BTBD9: variants seen among roughly 807,000 people sequenced by gnomAD.
BTBD9 encodes BTB/POZ domain-containing protein 9.
A neutral mutation model predicts 64.3 loss-of-function variants in BTBD9; 49 were observed. The ratio of observed to expected loss-of-function variants is 0.76; its 90% CI spans 0.61 to 0.97. The LOEUF (loss-of-function observed/expected upper bound fraction) is 0.97, where lower values mean the gene tolerates loss of function less well. Ranked by LOEUF, BTBD9 falls within the 50% of genes least tolerant of loss-of-function variation. The pLI is 0.00. For synonymous variants in BTBD9, 260 were observed against 274.7 expected (o/e 0.95, Z 0.53); for missense variants, 598 against 762.1 (o/e 0.78, Z 2.53).
At chr6:38,256,556 T>A in intron 8 of BTBD9, 40 bp from the exon 9 acceptor site, 1 of 1,445,012 alleles carries the variant, frequency 6.9e-7, no homozygotes, top group Non-Finnish European at 9.7e-7. Flanking sequence ...GTAAATGTTT[T>A]AACTGGTTGT....
At chr6:38,540,928 G>C (rs1161930147) in intron 6 of BTBD9, among the ~76,000 whole-genome samples, 1 of 152,224 alleles carries the variant, frequency 6.6e-6, no homozygotes. Flanking sequence ...TTACATGCTA[G>C]AGTGGCAATA....
chr6:38,620,136 G>C (rs1438888057), intron 1 of BTBD9, among the ~76,000 whole-genome samples: 5 of 152,124 alleles, frequency 3.3e-5, no homozygotes, highest in African/African-American at 7.2e-5. Context: ...AAAGTTCAAG[G>C]GTTAGTAAGA....
chr6:38,577,041 G>A (rs865893930), intron 6 of BTBD9, among the ~76,000 whole-genome samples: 10 of 152,228 alleles, frequency 6.6e-5, no homozygotes, highest in Middle Eastern at 3.4e-3. Context: ...TGAGCCTAGA[G>A]CCCCACTAGC....
intron 6 of BTBD9, among the ~76,000 whole-genome samples, chr6:38,438,863 C>G (rs1768882601): frequency 6.6e-6 from 1 of 152,104 alleles, no homozygotes; most frequent in Non-Finnish European, 1.5e-5. Context: ...TAAGGCCTTA[C>G]TGAGAAAACG....
intron 6 of BTBD9, among the ~76,000 whole-genome samples, chr6:38,566,758 G>C (rs919038213): frequency 6.6e-6 from 1 of 152,172 alleles, no homozygotes; most frequent in Non-Finnish European, 1.5e-5. Context: ...TACACTTCAA[G>C]TGTGATTTTA....
chr6:38,527,263 CAAAAAAAAAAAAAAAA>C (rs55979438), intron 6 of BTBD9, among the ~76,000 whole-genome samples: 23 of 53,340 alleles, frequency 4.3e-4, no homozygotes, highest in Admixed American at 2.6e-3. Context: ...GACTCTGTCT[CAAAAAAAAAAAAAAAA>C]AAAAAAAAAA....
intron 8 of BTBD9, among the ~76,000 whole-genome samples, chr6:38,287,143 C>T (rs1481800109): frequency 4.2e-5 from 5 of 118,080 alleles, no homozygotes; most frequent in African/African-American, 1.3e-4. Context: ...CACACACACA[C>T]ATATAGCAGC....
At chr6:38,361,767 G>C (rs1764971859) in intron 6 of BTBD9, among the ~76,000 whole-genome samples, 1 of 151,814 alleles carries the variant, frequency 6.6e-6, no homozygotes, top group South Asian at 2.1e-4. Context: ...TTGAACCCAG[G>C]AGGCAGAATT....
intron 9 of BTBD9, among the ~76,000 whole-genome samples, chr6:38,200,716 A>G (rs1386176054): frequency 6.6e-6 from 1 of 152,252 alleles, no homozygotes; most frequent in Non-Finnish European, 1.5e-5. Context: ...TGAATCAGGA[A>G]GAAATAGAAA....
At position 38,270,267 on chromosome 6, in the gene BTBD9, A is replaced by G. The variant is rs16890525; in HGVS notation, c.1455-13751T>C. 1.5e-3 allele frequency among the ~76,000 whole-genome samples: 225 copies of G among 152,308 alleles called. 4 individuals are homozygous for G. The East Asian group carries it at 0.032, about 21-fold the overall frequency. ...CTTCTTATTTTGGCTGATAGGACCT[A>G]CATGGGCATCCTGAGAACACGGTCC... On this transcript the variant is annotated intron_variant, in intron 8 of 10. Coordinates refer to ENST00000481247, the MANE Select transcript of BTBD9 (RefSeq NM_001099272.2).
At chr6:38,235,036 C>T (rs887670930) in intron 9 of BTBD9, among the ~76,000 whole-genome samples, 4 of 152,230 alleles carry the variant, frequency 2.6e-5, no homozygotes, top group Non-Finnish European at 5.9e-5. Context: ...CTGAGCCCTC[C>T]ACCAGTTAAG....
chr6:38,214,757 C>T (rs1188335700), intron 9 of BTBD9, among the ~76,000 whole-genome samples: 1 of 152,156 alleles, frequency 6.6e-6, no homozygotes, highest in Non-Finnish European at 1.5e-5. Context: ...GAATTTTGTT[C>T]ATGCCGTCAG....
intron 9 of BTBD9, among the ~76,000 whole-genome samples, chr6:38,213,266 T>C (rs1031120140): frequency 3.9e-5 from 6 of 152,132 alleles, no homozygotes; most frequent in Non-Finnish European, 1.5e-5. Flanking sequence ...TGGGGAGATA[T>C]TCAGTAAAAA....
intron 6 of BTBD9, among the ~76,000 whole-genome samples, chr6:38,382,308 A>T (rs1582333017): frequency 6.6e-6 from 1 of 152,102 alleles, no homozygotes; most frequent in African/African-American, 2.4e-5. Context: ...ATTTTGACCT[A>T]CCTGGTAGCT....
chr6:38,438,820 C>G (rs1768879201), intron 6 of BTBD9, among the ~76,000 whole-genome samples: 1 of 152,032 alleles, frequency 6.6e-6, no homozygotes, highest in Non-Finnish European at 1.5e-5. Flanking sequence ...TGCAGAAAAA[C>G]AAAACAGAAG....
At chr6:38,582,932 C>G (rs1285945929) in intron 4 of BTBD9, among the ~76,000 whole-genome samples, 2 of 152,154 alleles carry the variant, frequency 1.3e-5, no homozygotes, top group Non-Finnish European at 2.9e-5. Context: ...TCATCCTGTA[C>G]CAGGCACCAT....
intron 8 of BTBD9, among the ~76,000 whole-genome samples, chr6:38,257,503 T>C (rs1764634907): frequency 1.3e-5 from 2 of 152,182 alleles, no homozygotes; most frequent in African/African-American, 4.8e-5. Flanking sequence ...GTCTAATTGA[T>C]ATTTCTTATA....
At chr6:38,298,420 A>T (rs182104740) in intron 7 of BTBD9, among the ~76,000 whole-genome samples, 1 of 152,258 alleles carries the variant, frequency 6.6e-6, no homozygotes, top group African/African-American at 2.4e-5. Context: ...AGTACATGTG[A>T]TATTTTATTA....
At chr6:38,567,613 T>C (rs1775581070) in intron 6 of BTBD9, among the ~76,000 whole-genome samples, 2 of 152,144 alleles carry the variant, frequency 1.3e-5, no homozygotes, top group Admixed American at 6.5e-5. Flanking sequence ...TACTGGGAGA[T>C]GAATTTTTAG....
Sources: allele counts gnomAD v4.1 joint callset (sites outside exome capture counted in the v4.1 genomes callset), GRCh38; gene constraint gnomAD v4.1.1; transcripts MANE v1.5; gene names NCBI Gene and HGNC (gene_info 2026-07-23, HGNC 2026-07-21).